The following PAMR1 variants were observed in gnomAD, a reference collection of about 807,000 sequenced individuals.
PAMR1 encodes inactive serine protease PAMR1.
PAMR1 carries 88 observed loss-of-function variants against 81.8 expected under a neutral mutation model. That is an observed-to-expected ratio of 1.08 (90% CI 0.91 to 1.28). PAMR1 has a LOEUF of 1.28. PAMR1 is among the 50% of genes most tolerant of loss of function. The pLI is 0.00. For synonymous variants in PAMR1, 336 were observed against 345.3 expected (o/e 0.97, Z 0.30); for missense variants, 935 against 919.7 (o/e 1.02, Z -0.21).
rs1000266646 is a variant in PAMR1 at position 35,483,918 on chromosome 11, G to C, written c.379+8127C>G. Among the ~76,000 whole-genome samples, 68 of 152,124 alleles carry C rather than the reference G, an allele frequency of 4.5e-4. 1 individual carries two copies. Among genetic ancestry groups the C allele is most frequent in the Non-Finnish European group, 1.5e-4 (10 of 68,020 alleles). On this transcript the variant is annotated intron_variant, in intron 3 of 10. Coordinates refer to ENST00000619888, the MANE Select transcript of PAMR1 (RefSeq NM_001001991.3). ...TATTTGCCATACAATACTTTGTCTG[G>C]TGAAGACTACCTCCTTGTGCCCAGT...
intron 6 of PAMR1, among the ~76,000 whole-genome samples, chr11:35,458,992 G>T (rs888428320): frequency 4.6e-5 from 7 of 152,148 alleles, no homozygotes; most frequent in Admixed American, 1.3e-4. Flanking sequence ...AAACTCTTTT[G>T]ATCCCTTTCC....
intron 1 of PAMR1, among the ~76,000 whole-genome samples, chr11:35,507,443 T>C (rs1342894805): frequency 6.6e-6 from 1 of 152,244 alleles, no homozygotes; most frequent in Admixed American, 6.5e-5. Flanking sequence ...GATGTATTTC[T>C]CAGTTCCAAG....
chr11:35,473,986 A>G (rs893893480), intron 4 of PAMR1, among the ~76,000 whole-genome samples: 1 of 152,236 alleles, frequency 6.6e-6, no homozygotes, highest in Non-Finnish European at 1.5e-5. Context: ...TCATGCAACT[A>G]TAGTGTGCCA....
At chr11:35,503,343 A>C (rs981573772) in intron 1 of PAMR1, among the ~76,000 whole-genome samples, 3 of 150,446 alleles carry the variant, frequency 2.0e-5, no homozygotes, top group African/African-American at 7.4e-5. Flanking sequence ...TTGTGATTCC[A>C]TATCAACTCT....
chr11:35,490,963 C>T (rs988737634), intron 3 of PAMR1, among the ~76,000 whole-genome samples: 9 of 152,202 alleles, frequency 5.9e-5, no homozygotes, highest in Non-Finnish European at 8.8e-5. Flanking sequence ...TTATGCAATG[C>T]AGTCTCCATA....
At chr11:35,464,027 G>A (rs551648504) in intron 6 of PAMR1, among the ~76,000 whole-genome samples, 28 of 152,258 alleles carry the variant, frequency 1.8e-4, no homozygotes, top group African/African-American at 5.1e-4. Flanking sequence ...TGAATGGCTC[G>A]TCTTCTAAAT....
At chr11:35,497,699 G>T (rs1234379548) in intron 1 of PAMR1, among the ~76,000 whole-genome samples, 1 of 152,040 alleles carries the variant, frequency 6.6e-6, no homozygotes, top group East Asian at 1.9e-4. Context: ...TAAACCCTAA[G>T]ACCATGTTGA....
intron 8 of PAMR1, among the ~76,000 whole-genome samples, chr11:35,436,925 T>C (rs1856061050): frequency 6.6e-6 from 1 of 152,160 alleles, no homozygotes; most frequent in African/African-American, 2.4e-5. Flanking sequence ...ATTTTTTTCC[T>C]CCAAACATTA....
In PAMR1 at chr11:35,432,618, T is replaced by C; in HGVS notation, c.1901A>G (p.His634Arg). The change falls in exon 11 of 11, where the codon CAT (histidine) becomes CGT (arginine). Residue 634 changes from histidine to arginine, a missense_variant. Physicochemically the swap from His to Arg is conservative, Grantham distance 29. Coordinates refer to ENST00000619888, the MANE Select transcript of PAMR1 (RefSeq NM_001001991.3). ...ACTCACTGGGATGCCATGGTCCTCA[T>C]GCTGCTCCTCACACAGCAGCGAGTC... ...VVDSLLCEEQ[H>R]EDHGIPVSVT... 1.2e-6 allele frequency: 2 copies of C among 1,614,116 alleles called. No individual in the cohort carries two copies. Among genetic ancestry groups the C allele is most frequent in the Non-Finnish European group, 1.7e-6 (2 of 1,179,972 alleles).
At position 35,507,338 on chromosome 11, in the gene PAMR1, T is replaced by A. The variant is rs112509113; in HGVS notation, c.74-13066A>T. The stretch of plus-strand genomic sequence containing the variant: ...CTGGGATTACACGCATGAGCCACCA[T>A]GCCCAGCCTCAAATAGCCTGACTTT... On this transcript the variant is annotated intron_variant, in intron 1 of 10. Transcript: ENST00000619888. 3.3e-3 allele frequency among the ~76,000 whole-genome samples: 507 copies of A among 152,226 alleles called. 4 individuals carry two copies. Among genetic ancestry groups the A allele is most frequent in the African/African-American group, 0.012 (482 of 41,538 alleles).
chr11:35,522,217 T>G (rs756159672), intron 1 of PAMR1, among the ~76,000 whole-genome samples: 1 of 152,214 alleles, frequency 6.6e-6, no homozygotes, highest in Non-Finnish European at 1.5e-5. Context: ...CCACTGCGCC[T>G]GCCTCAAATC....
At chr11:35,478,405 T>G (rs1850321294) in intron 3 of PAMR1, among the ~76,000 whole-genome samples, 1 of 152,196 alleles carries the variant, frequency 6.6e-6, no homozygotes, top group Non-Finnish European at 1.5e-5. Flanking sequence ...ATCTCCATTC[T>G]TCTTAATGAG....
At chr11:35,476,813 T>A in intron 3 of PAMR1, among the ~76,000 whole-genome samples, 1 of 151,966 alleles carries the variant, frequency 6.6e-6, no homozygotes, top group East Asian at 1.9e-4. Flanking sequence ...GCTGGCTGCC[T>A]AAACCCACAC....
intron 8 of PAMR1, among the ~76,000 whole-genome samples, chr11:35,438,493 G>T (rs1856098566): frequency 6.6e-6 from 1 of 152,172 alleles, no homozygotes; most frequent in South Asian, 2.1e-4. Flanking sequence ...GCAGGTTTAG[G>T]AACTTGCCCA....
intron 1 of PAMR1, among the ~76,000 whole-genome samples, chr11:35,514,810 C>T (rs1429181324): frequency 6.6e-6 from 1 of 151,978 alleles, no homozygotes; most frequent in East Asian, 1.9e-4. Context: ...ACATAGCAAA[C>T]CCACCCCCGC....
intron 1 of PAMR1, among the ~76,000 whole-genome samples, chr11:35,518,977 A>G (rs1851220674): frequency 6.6e-6 from 1 of 152,184 alleles, no homozygotes. Flanking sequence ...CCAGACTTCT[A>G]CTTACAGAGA....
intron 4 of PAMR1, among the ~76,000 whole-genome samples, chr11:35,473,381 G>A (rs1328372904): frequency 6.6e-6 from 1 of 152,110 alleles, no homozygotes; most frequent in Admixed American, 6.5e-5. Flanking sequence ...TTGGATTTTG[G>A]AGAAGCTCCT....
intron 5 of PAMR1, 38 bp from the exon 6 acceptor site, chr11:35,468,146 T>C: frequency 1.5e-6 from 2 of 1,296,978 alleles, no homozygotes; most frequent in African/African-American, 1.5e-5. Flanking sequence ...CCACTATACA[T>C]TGAGTCGATG....
chr11:35,505,715 G>T (rs678948), intron 1 of PAMR1, among the ~76,000 whole-genome samples: 150,401 of 152,288 alleles, frequency 0.99, 74,276 homozygotes, highest in East Asian at 1. Flanking sequence ...AATTTCTTTT[G>T]CCATCCCTTC....
Sources: allele counts gnomAD v4.1 joint callset (sites outside exome capture counted in the v4.1 genomes callset), GRCh38; gene constraint gnomAD v4.1.1; transcripts MANE v1.5; gene names NCBI Gene and HGNC (gene_info 2026-07-23, HGNC 2026-07-21).